Variants in SMYD4 observed in about 807,000 individuals in gnomAD.
SMYD4 encodes the protein protein-lysine N-methyltransferase SMYD4.
Under a neutral mutation model 72.8 loss-of-function variants are expected in SMYD4, and 68 were observed. That is an observed-to-expected ratio of 0.93 (90% CI 0.77 to 1.14). The LOEUF is 1.14. Among genes scored for constraint, SMYD4 ranks in the 50% most tolerant of loss-of-function variants. SMYD4 has a pLI of 0.00. For missense variants in SMYD4, 984 were observed against 1,003.7 expected (o/e 0.98, Z 0.27); for synonymous variants, 407 against 388.6 (o/e 1.05, Z -0.56).
chr17:1,812,215 A>G, intron 2 of SMYD4, 100 bp from the exon 3 acceptor site: 1 of 1,274,588 alleles, frequency 7.8e-7, no homozygotes, highest in Non-Finnish European at 1.1e-6. Context: ...CCCGCAAAAC[A>G]TTTCACACAC....
rs746082065 is a variant in SMYD4 at position 1,800,930 on chromosome 17, G to T, written c.464C>A (p.Ala155Asp). Residue 155 changes from alanine to aspartate, a missense_variant, in exon 5 of 11, where the codon GCC (alanine) becomes GAC (aspartate). Ala to Asp is a moderately radical substitution (Grantham distance 126, BLOSUM62 -2). Coordinates refer to ENST00000305513, the MANE Select transcript of SMYD4 (RefSeq NM_052928.3). ...IMLRKAECLV[A>D]LGRLQEASQT... The stretch of plus-strand genomic sequence containing the variant: ...GCTTGCCTCCTGCAGTCTCCCCAGG[G>T]CCACCAGACATTCTGCTTTACGTAA... 1 of 1,614,186 alleles carries T rather than the reference G, an allele frequency of 6.2e-7. No homozygotes were observed.
intron 2 of SMYD4, among the ~76,000 whole-genome samples, chr17:1,812,575 G>C (rs1597390896): frequency 1.5e-5 from 2 of 132,650 alleles, no homozygotes; most frequent in African/African-American, 5.7e-5. Flanking sequence ...TTTTGAGATG[G>C]AGTCTCACTG....
chr17:1,781,714 C>T (rs1284826542), intron 10 of SMYD4: 11 of 219,690 alleles, frequency 5.0e-5, no homozygotes, highest in African/African-American at 1.5e-4. Flanking sequence ...TCACTCTTGT[C>T]GCCCAGGTAT....
At chr17:1,782,374 C>A (rs1908411636) in intron 10 of SMYD4, 1 of 151,608 alleles carries the variant, frequency 6.6e-6, no homozygotes, top group Non-Finnish European at 1.5e-5. Context: ...TCATGACAAT[C>A]CAAAATGTCT....
At chr17:1,828,350 C>T (rs961696433) in intron 1 of SMYD4, among the ~76,000 whole-genome samples, 3 of 131,922 alleles carry the variant, frequency 2.3e-5, no homozygotes, top group African/African-American at 9.4e-5. Flanking sequence ...GACTCTGTCT[C>T]GGAAAAAAAA....
intron 3 of SMYD4, among the ~76,000 whole-genome samples, chr17:1,811,163 T>C (rs1344405941): frequency 6.6e-6 from 1 of 152,178 alleles, no homozygotes; most frequent in Non-Finnish European, 1.5e-5. Flanking sequence ...TAAACATTCA[T>C]CCCTAGACAC....
chr17:1,828,014 ATGAG>A lies in SMYD4; in HGVS notation c.-12-12_-12-9del, dbSNP rs1044094032. Reference sequence around the variant, plus strand: ...ATCCATGCTGCTTTTGATCTATAAAATGAGTAAGAAAATAGGAATCTTACAAATG... The same window carrying A: ...ATCCATGCTGCTTTTGATCTATAAAATAAGAAAATAGGAATCTTACAAATG... On this transcript the variant is annotated splice_polypyrimidine_tract_variant and intron_variant, in intron 1 of 10. Coordinates refer to ENST00000305513, the MANE Select transcript of SMYD4 (RefSeq NM_052928.3). 2 of 1,594,754 alleles carry A rather than the reference ATGAG, an allele frequency of 1.3e-6. No homozygotes were observed. Among genetic ancestry groups the A allele is most frequent in the African/African-American group, 2.7e-5 (2 of 74,552 alleles).
At chr17:1,793,371 C>T (rs761709874) in intron 5 of SMYD4, among the ~76,000 whole-genome samples, 1 of 151,268 alleles carries the variant, frequency 6.6e-6, no homozygotes, top group East Asian at 1.9e-4. Context: ...TTCTGTACCC[C>T]GGCAGTTTTG....
rs750910329 is a variant in SMYD4 at position 1,812,047 on chromosome 17, G to C, written c.203C>G (p.Pro68Arg). ...GYLVGKDSDA[P>R]LFYREEGNKK... ...GTTTCCTTCTTCTCTGTAGAAAAGA[G>C]GAGCGTCCGAGTCCTTTCCCACCAA... The change falls in exon 3 of 11, where the codon CCT becomes CGT. Residue 68 changes from proline (P) to arginine (R), a missense_variant. Physicochemically the swap from Pro to Arg is moderately radical, Grantham distance 103 (BLOSUM62 -2). Transcript: ENST00000305513. 6.2e-7 allele frequency: 1 copy of C among 1,614,112 alleles called. No individual in the cohort carries two copies. Among genetic ancestry groups the C allele is most frequent in the Admixed American group, 1.7e-5 (1 of 60,000 alleles).
At chr17:1,786,706 C>T in intron 7 of SMYD4, 104 bp downstream of exon 7, 1 of 1,402,208 alleles carries the variant, frequency 7.1e-7, no homozygotes, top group Non-Finnish European at 9.9e-7. Context: ...TATTACTGGT[C>T]TCAGCACTTA....
intron 2 of SMYD4, among the ~76,000 whole-genome samples, chr17:1,826,998 A>C (rs1911213609): frequency 6.6e-6 from 1 of 151,962 alleles, no homozygotes; most frequent in Non-Finnish European, 1.5e-5. Context: ...TAAAAATACA[A>C]AAATGTGAGC....
intron 2 of SMYD4, among the ~76,000 whole-genome samples, chr17:1,826,200 A>G (rs2151257486): frequency 6.6e-6 from 1 of 152,240 alleles, no homozygotes. Flanking sequence ...AGAAATAAAA[A>G]TGCACTGGGG....
At chr17:1,784,249 T>C (rs1908528221) in intron 8 of SMYD4, 77 bp downstream of exon 8, 2 of 1,596,376 alleles carry the variant, frequency 1.3e-6, no homozygotes, top group Non-Finnish European at 1.7e-6. Context: ...CAGTACTGAG[T>C]ATCCCTGAGT....
intron 5 of SMYD4, among the ~76,000 whole-genome samples, chr17:1,796,128 A>G (rs538455304): frequency 6.6e-6 from 1 of 151,968 alleles, no homozygotes; most frequent in African/African-American, 2.4e-5. Context: ...CAGAATAAGC[A>G]TGTATTTTTC....
At chr17:1,806,275 C>T (rs1910031506) in intron 3 of SMYD4, among the ~76,000 whole-genome samples, 4 of 152,164 alleles carry the variant, frequency 2.6e-5, no homozygotes, top group African/African-American at 2.4e-5. Flanking sequence ...CTGGACGAAT[C>T]CCTAACTCTG....
At position 1,779,837 on chromosome 17, in the gene SMYD4, A is replaced by G. The variant is rs1908278848; in HGVS notation, c.*1449T>C. On this transcript the variant is annotated 3_prime_UTR_variant, in exon 11 of 11. Coordinates refer to ENST00000305513, the MANE Select transcript of SMYD4 (RefSeq NM_052928.3). ...CTTGTTTTATAATTCTTTTTTAATT[A>G]CAATGTAACTACTAAGAGCTTCAGT... The G allele has an allele frequency of 6.6e-6, 1 of 152,662 alleles. No individual in the cohort carries two copies. Among genetic ancestry groups the G allele is most frequent in the Admixed American group, 6.5e-5 (1 of 15,272 alleles). The allele number at this position is 152,662 out of a possible 1,614,324, so 9.5% of individuals were successfully genotyped here.
chr17:1,807,690 G>GA (rs1180978487), intron 3 of SMYD4, among the ~76,000 whole-genome samples: 1 of 152,174 alleles, frequency 6.6e-6, no homozygotes, highest in East Asian at 1.9e-4. Context: ...TACTGAAATG[G>GA]AATGACCTTT....
In SMYD4 at chr17:1,784,356, C is replaced by A; in HGVS notation, c.1990G>T (p.Ala664Ser). 6.2e-7 allele frequency: 1 copy of A among 1,614,234 alleles called. No homozygotes were observed. The change falls in exon 8 of 11, where the codon GCC (alanine) becomes TCC (serine). Residue 664 changes from alanine to serine, a missense_variant. Transcript: ENST00000305513. ...TCACCATCTCTGAGAAGCTTCTGGG[C>A]CACTCTGACCTGCTGCTGTAGGTCC... ...LQDLQQQVRV[A>S]QKLLRDGELE... is the part of the protein sequence containing the mutation.
rs533394940 is a variant in SMYD4 at position 1,809,756 on chromosome 17, G to A, written c.279+2215C>T. ...GCGATCTCGGCTCACTGCAAGCTCC[G>A]CCTCCCGGGTTCACGCCATTCTCCT... On this transcript the variant is annotated intron_variant, in intron 3 of 10. Transcript: ENST00000305513. Among the ~76,000 whole-genome samples the A allele has an allele frequency of 1.8e-3, 278 of 150,878 alleles. 1 individual carries two copies. The highest frequency in any genetic ancestry group is 6.4e-3 in the African/African-American group (261 of 40,994).
Sources: allele counts gnomAD v4.1 joint callset (sites outside exome capture counted in the v4.1 genomes callset), GRCh38; gene constraint gnomAD v4.1.1; transcripts MANE v1.5; gene names NCBI Gene and HGNC (gene_info 2026-07-23, HGNC 2026-07-21).